The following TANC1 variants were observed in gnomAD, a reference collection of about 807,000 sequenced individuals.
The protein encoded by TANC1 is protein TANC1.
In TANC1, 77 loss-of-function variants were observed where a neutral mutation model predicts 149.7. The observed-to-expected ratio is 0.51, with a 90% CI of 0.43 to 0.62. The LOEUF (loss-of-function observed/expected upper bound fraction) is 0.62. TANC1 is among the 20% of genes least tolerant of loss of function. The pLI is 0.00. For missense variants in TANC1, 1,985 were observed against 2,321.8 expected (o/e 0.85, Z 2.98); for synonymous variants, 854 against 925.0 (o/e 0.92, Z 1.39).
chr2:159,072,217 G>A (rs1286877599), intron 3 of TANC1, among the ~76,000 whole-genome samples: 3 of 152,172 alleles, frequency 2.0e-5, no homozygotes, highest in Admixed American at 1.3e-4. Context: ...CCTAACCTCA[G>A]GTGATCTGCC....
intron 2 of TANC1, among the ~76,000 whole-genome samples, chr2:159,035,943 G>A (rs1221452577): frequency 6.6e-6 from 1 of 152,202 alleles, no homozygotes; most frequent in Non-Finnish European, 1.5e-5. Context: ...GGGTGCACAC[G>A]CATCTGTGGG....
intron 7 of TANC1, among the ~76,000 whole-genome samples, chr2:159,159,715 TGTGAGAGA>T (rs1336103344): frequency 1.1e-4 from 7 of 63,162 alleles, no homozygotes; most frequent in South Asian, 6.8e-4. Context: ...TGTGTGTGTG[TGTGAGAGA>T]GAGAGAGAGA....
At chr2:159,060,538 T>G (rs929880957) in intron 2 of TANC1, among the ~76,000 whole-genome samples, 1 of 152,260 alleles carries the variant, frequency 6.6e-6, no homozygotes, top group Non-Finnish European at 1.5e-5. Flanking sequence ...ATAGGAATAT[T>G]CTTTGTCAAT....
At chr2:158,995,544 T>G (rs2036049499) in intron 1 of TANC1, among the ~76,000 whole-genome samples, 1 of 151,992 alleles carries the variant, frequency 6.6e-6, no homozygotes, top group Admixed American at 6.6e-5. Context: ...CTTGGAAACT[T>G]CAAACTGAGG....
At chr2:159,091,057 G>C (rs768366508) in intron 3 of TANC1, among the ~76,000 whole-genome samples, 1 of 151,792 alleles carries the variant, frequency 6.6e-6, no homozygotes, top group Non-Finnish European at 1.5e-5. Flanking sequence ...TCCCCTCTGT[G>C]GTGGCCCAGT....
intron 19 of TANC1, among the ~76,000 whole-genome samples, chr2:159,212,104 G>A (rs2059023975): frequency 6.6e-6 from 1 of 152,220 alleles, no homozygotes; most frequent in African/African-American, 2.4e-5. Flanking sequence ...CTGATTTAAA[G>A]GCCCCGTTTA....
chr2:159,095,755 AAGT>A (rs1240309951), intron 3 of TANC1, among the ~76,000 whole-genome samples: 4 of 134,352 alleles, frequency 3.0e-5, no homozygotes, highest in South Asian at 2.6e-4. Flanking sequence ...AAAAAAAAAA[AAGT>A]AAGGCATGTA....
In TANC1 at chr2:159,219,778, C is replaced by G. The variant is rs1416015471; in HGVS notation, c.3589C>G (p.Leu1197Val). 12 of 1,614,064 alleles carry G rather than the reference C, an allele frequency of 7.4e-6. No homozygotes were observed. Among genetic ancestry groups the G allele is most frequent in the Non-Finnish European group, 1.0e-5 (12 of 1,180,060 alleles). Reference protein sequence around the residue: ...LKGHRAVVQYLVEEGAAIDQT... With the variant: ...LKGHRAVVQYVVEEGAAIDQT... ...AGGTCACAGGGCAGTGGTCCAGTAT[C>G]TGGTTGAAGAAGGAGCTGCAATAGA... The change falls in exon 22 of 27, where the codon CTG becomes GTG. Residue 1197 changes from leucine to valine, a missense_variant. Transcript: ENST00000263635.
intron 22 of TANC1, among the ~76,000 whole-genome samples, chr2:159,221,093 G>GGCT (rs2059680533): frequency 6.6e-6 from 1 of 152,204 alleles, no homozygotes; most frequent in Non-Finnish European, 1.5e-5. Flanking sequence ...GCTCATGCCT[G>GGCT]TAATCCCGGC....
At chr2:159,062,929 T>G (rs1191836732) in intron 2 of TANC1, among the ~76,000 whole-genome samples, 1 of 123,682 alleles carries the variant, frequency 8.1e-6, no homozygotes, top group African/African-American at 3.1e-5. Context: ...ATTGCACCAC[T>G]GCAGTCCGCA....
chr2:159,229,538 G>T, intron 26 of TANC1, 40 bp from the exon 27 acceptor site: 1 of 1,468,760 alleles, frequency 6.8e-7, no homozygotes, highest in Non-Finnish European at 9.4e-7. Flanking sequence ...GAGCATGTTC[G>T]TGTGTGGTTT....
intron 2 of TANC1, among the ~76,000 whole-genome samples, chr2:159,060,343 A>G (rs2149658011): frequency 6.6e-6 from 1 of 152,324 alleles, no homozygotes; most frequent in South Asian, 2.1e-4. Flanking sequence ...AAGCCCCTTC[A>G]TTAGAGCGTG....
chr2:159,051,665 G>A (rs2041484566), intron 2 of TANC1, among the ~76,000 whole-genome samples: 1 of 150,654 alleles, frequency 6.6e-6, no homozygotes, highest in African/African-American at 2.5e-5. Flanking sequence ...GTGTGTGTGT[G>A]TGTGTGTGTG....
intron 19 of TANC1, among the ~76,000 whole-genome samples, chr2:159,210,052 C>G (rs1218669704): frequency 1.3e-5 from 2 of 148,890 alleles, no homozygotes; most frequent in African/African-American, 4.8e-5. Flanking sequence ...CCCAGCCGCC[C>G]TGCCCTGCCC....
intron 2 of TANC1, among the ~76,000 whole-genome samples, chr2:159,034,560 A>G (rs914077750): frequency 6.6e-6 from 1 of 152,200 alleles, no homozygotes; most frequent in African/African-American, 2.4e-5. Flanking sequence ...TGGGATGGAA[A>G]ACCACCTCAG....
Position 159,113,942 on chromosome 2 carries a change from G to T in TANC1, c.259+16108G>T, listed in dbSNP as rs114085881. ...ATTCATCATTGGGATCTGAGTTTTT[G>T]AATTGTGGGCACGGCTCTGTGGATG... On this transcript the variant is annotated intron_variant, in intron 4 of 26. Coordinates refer to ENST00000263635, the MANE Select transcript of TANC1 (RefSeq NM_033394.3). Among the ~76,000 whole-genome samples the T allele has an allele frequency of 8.5e-3, 1,287 of 152,304 alleles. 19 individuals are homozygous for T. The highest frequency in any genetic ancestry group is 0.029 in the African/African-American group (1,217 of 41,574).
chr2:158,990,937 G>A (rs944390095), intron 1 of TANC1, among the ~76,000 whole-genome samples: 4 of 151,840 alleles, frequency 2.6e-5, no homozygotes, highest in African/African-American at 7.3e-5. Flanking sequence ...TATGGGCATG[G>A]TGGCGGGCGG....
At chr2:159,117,896 G>A (rs1290337840) in intron 4 of TANC1, among the ~76,000 whole-genome samples, 1 of 151,426 alleles carries the variant, frequency 6.6e-6, no homozygotes, top group African/African-American at 2.4e-5. Context: ...TGTTTTGCAG[G>A]TTGCCCCTCT....
chr2:159,229,019 G>T, intron 26 of TANC1, 123 bp downstream of exon 26: 2 of 701,424 alleles, frequency 2.9e-6, no homozygotes, highest in Non-Finnish European at 5.0e-6. Flanking sequence ...CTTTTTAGTA[G>T]TGAATTAGTA....
Sources: allele counts gnomAD v4.1 joint callset (sites outside exome capture counted in the v4.1 genomes callset), GRCh38; gene constraint gnomAD v4.1.1; transcripts MANE v1.5; gene names NCBI Gene and HGNC (gene_info 2026-07-23, HGNC 2026-07-21).